RHCE: variants seen among roughly 807,000 people sequenced by gnomAD.
RHCE encodes blood group Rh(CE) polypeptide.
Under a neutral mutation model 43.8 loss-of-function variants are expected in RHCE, and 22 were observed. The observed-to-expected ratio is 0.50, with a 90% CI of 0.36 to 0.72. The LOEUF is 0.72. Ranked by LOEUF, RHCE falls within the 30% of genes least tolerant of loss-of-function variation. The pLI, the probability that RHCE is intolerant of heterozygous loss-of-function variation, is 0.00. For synonymous variants in RHCE, 156 were observed against 210.7 expected (o/e 0.74, Z 2.25); for missense variants, 385 against 525.4 (o/e 0.73, Z 2.61).
chr1:25,406,533 G>A lies in RHCE; in HGVS notation c.335+2150C>T, dbSNP rs1352020206. ...TCACCATGTTGCTCAGGTCGGTCTC[G>A]AACTCCTGACCTCAGGTAATCCATC... On this transcript the variant is annotated intron_variant, in intron 2 of 9. Coordinates refer to ENST00000294413, the MANE Select transcript of RHCE (RefSeq NM_020485.8). 3.4e-5 allele frequency among the ~76,000 whole-genome samples: 4 copies of A among 118,752 alleles called. 1 individual carries two copies. Among genetic ancestry groups the A allele is most frequent in the East Asian group, 8.7e-4 (2 of 2,286 alleles). 77.9% of individuals were successfully genotyped at this position (118,752 alleles called of 152,430 possible). A position where few individuals can be genotyped will look rare whatever the true frequency, so the allele number is the denominator to read the frequency against.
chr1:25,429,975 G>A (rs2042838306), exon 1 of RHCE: 1 of 152,124 alleles, frequency 6.6e-6, no homozygotes, highest in Non-Finnish European at 1.5e-5. Context: ...GGCGCTCAAT[G>A]AGTACGAAGC....
chr1:25,390,254 C>T (rs1222189869), intron 5 of RHCE, among the ~76,000 whole-genome samples: 2 of 152,224 alleles, frequency 1.3e-5, no homozygotes, highest in African/African-American at 4.8e-5. Context: ...ACTTTACATG[C>T]ACCATCTCTT....
chr1:25,421,553 G>A (rs984919819), upstream of RHCE, among the ~76,000 whole-genome samples: 2 of 152,096 alleles, frequency 1.3e-5, no homozygotes, highest in Non-Finnish European at 2.9e-5. Context: ...ACTCTGCCTG[G>A]GGCACTACAG....
At chr1:25,392,469 C>A (rs1387170315) in intron 3 of RHCE, among the ~76,000 whole-genome samples, 2 of 151,788 alleles carry the variant, frequency 1.3e-5, no homozygotes, top group Non-Finnish European at 2.9e-5. Context: ...CCGTGTTTGC[C>A]AGGCTGGTCT....
At chr1:25,429,808 T>A (rs1275652671) in intron 1 of RHCE, 10 of 152,192 alleles carry the variant, frequency 6.6e-5, no homozygotes, top group Non-Finnish European at 1.5e-5. Context: ...TTCCCCAGTT[T>A]TCTCTAATGA....
intron 1 of RHCE, chr1:25,411,419 T>A (rs1647073737): frequency 1.7e-5 from 27 of 1,550,238 alleles, no homozygotes; most frequent in Non-Finnish European, 2.3e-5. Context: ...TCAGAAAAAG[T>A]CTTTGATTTA....
At chr1:25,387,592 C>T (rs1390621730) in intron 6 of RHCE, among the ~76,000 whole-genome samples, 1 of 152,088 alleles carries the variant, frequency 6.6e-6, no homozygotes, top group Non-Finnish European at 1.5e-5. Context: ...TTTTTTCTGC[C>T]CTTCCTCCTT....
intron 3 of RHCE, among the ~76,000 whole-genome samples, chr1:25,401,470 C>A (rs1194723054): frequency 1.3e-5 from 2 of 152,152 alleles, no homozygotes; most frequent in East Asian, 3.8e-4. Context: ...CCTCTCCAGG[C>A]ATCAGCCTTC....
chr1:25,372,116 G>A (rs1053379214), intron 8 of RHCE, among the ~76,000 whole-genome samples: 1 of 151,618 alleles, frequency 6.6e-6, no homozygotes, highest in African/African-American at 2.4e-5. Context: ...CCATCACTAG[G>A]AACACCCACT....
chr1:25,369,781 C>T (rs1353137839), intron 9 of RHCE, among the ~76,000 whole-genome samples: 2 of 141,540 alleles, frequency 1.4e-5, no homozygotes, highest in African/African-American at 5.3e-5. Context: ...TCTTGTCACC[C>T]AGGCTGGAGT....
chr1:25,397,623 C>T lies in RHCE; in HGVS notation c.486+4973G>A, dbSNP rs530972087. 7.2e-5 allele frequency among the ~76,000 whole-genome samples: 11 copies of T among 152,306 alleles called. No individual in the cohort carries two copies. In the East Asian group the frequency reaches 1.3e-3, roughly 19 times the overall value. ...CCCTTTCTTGCTGCGGTCTCAGCCTCCTGGCCGCCCCTTGGTCACTGATGA... is the reference window on the plus strand; with the variant it reads ...CCCTTTCTTGCTGCGGTCTCAGCCTTCTGGCCGCCCCTTGGTCACTGATGA... On this transcript the variant is annotated intron_variant, in intron 3 of 9. Coordinates refer to ENST00000294413, the MANE Select transcript of RHCE (RefSeq NM_020485.8).
Position 25,409,332 on chromosome 1 carries a change from G to C in RHCE, c.149-463C>G, listed in dbSNP as rs1275326699. On this transcript the variant is annotated intron_variant, in intron 1 of 9. Coordinates refer to ENST00000294413, the MANE Select transcript of RHCE (RefSeq NM_020485.8). ...GACTTGTCCCAGGACACACAGAAAA[G>C]AGAGGGCAGAGATAGGCCCAGTGCT... Among the ~76,000 whole-genome samples the C allele has an allele frequency of 2.4e-5, 3 of 124,126 alleles. 1 individual carries two copies. Among genetic ancestry groups the C allele is most frequent in the Non-Finnish European group, 5.5e-5 (3 of 54,426 alleles). The allele number at this position is 124,126 out of a possible 152,430, so 81.4% of individuals were successfully genotyped here.
upstream of RHCE, among the ~76,000 whole-genome samples, chr1:25,425,174 G>A (rs189725091): frequency 6.6e-6 from 1 of 152,200 alleles, no homozygotes; most frequent in Non-Finnish European, 1.5e-5. Context: ...TAAAGACAGG[G>A]ACTTTTGACT....
intron 7 of RHCE, among the ~76,000 whole-genome samples, chr1:25,376,407 C>G (rs1645788831): frequency 6.6e-6 from 1 of 152,222 alleles, no homozygotes; most frequent in South Asian, 2.1e-4. Flanking sequence ...TATTTCTTGT[C>G]TCAACAGGTG....
At chr1:25,413,124 G>A (rs1296544350) in intron 1 of RHCE, among the ~76,000 whole-genome samples, 2 of 151,770 alleles carry the variant, frequency 1.3e-5, no homozygotes, top group Admixed American at 6.6e-5. Context: ...AGGTATATGC[G>A]CTCAGGGCCT....
chr1:25,388,910 C>A (rs1397372196), intron 6 of RHCE, 66 bp downstream of exon 6: 1 of 1,612,974 alleles, frequency 6.2e-7, no homozygotes, highest in Non-Finnish European at 8.5e-7. Context: ...CACAGTGGCC[C>A]ATCAGGTCCC....
At chr1:25,374,014 T>C (rs917013191) in intron 8 of RHCE, among the ~76,000 whole-genome samples, 2 of 150,746 alleles carry the variant, frequency 1.3e-5, no homozygotes, top group African/African-American at 4.9e-5. Flanking sequence ...AGAGACAGGG[T>C]TTTCCCATGT....
At position 25,409,194 on chromosome 1, in the gene RHCE, T is replaced by C. The variant is rs596939; in HGVS notation, c.149-325A>G. 4.4e-3 allele frequency among the ~76,000 whole-genome samples: 543 copies of C among 122,404 alleles called. 62 individuals carry two copies. Among genetic ancestry groups the C allele is most frequent in the African/African-American group, 0.011 (439 of 38,442 alleles). 80.3% of individuals were successfully genotyped at this position (122,404 alleles called of 152,430 possible). ...CCTAATAATAAGAACAAGTGTAAAG[T>C]ACACGTGCTTGATGCACATGGACAC... On this transcript the variant is annotated intron_variant, in intron 1 of 9. Transcript: ENST00000294413.
chr1:25,388,010 G>A (rs1176020375), intron 6 of RHCE, among the ~76,000 whole-genome samples: 1 of 151,884 alleles, frequency 6.6e-6, no homozygotes, highest in Non-Finnish European at 1.5e-5. Flanking sequence ...TAGTAGAGAT[G>A]GTTTCACCAT....
Sources: allele counts gnomAD v4.1 joint callset (sites outside exome capture counted in the v4.1 genomes callset), GRCh38; gene constraint gnomAD v4.1.1; transcripts MANE v1.5; gene names NCBI Gene and HGNC (gene_info 2026-07-23, HGNC 2026-07-21).